Variants in SOX6 observed in about 807,000 individuals in gnomAD.
SOX6 encodes the protein transcription factor SOX-6.
In SOX6, 11 loss-of-function variants were observed where a neutral mutation model predicts 97.8. The ratio of observed to expected loss-of-function variants is 0.11; its 90% CI spans 0.07 to 0.19. The LOEUF is 0.19. Among genes scored for constraint, SOX6 ranks in the 10% least tolerant of loss-of-function variants. SOX6 has a pLI of 1.00. For synonymous variants in SOX6, 360 were observed against 371.4 expected, an observed-to-expected ratio of 0.97 and a Z score of 0.35; for missense variants, 810 against 1,039.5, an observed-to-expected ratio of 0.78 and a Z score of 3.04.
At chr11:16,210,828 G>A (rs920081227) in intron 4 of SOX6, among the ~76,000 whole-genome samples, 3 of 152,172 alleles carry the variant, frequency 2.0e-5, no homozygotes, top group Non-Finnish European at 4.4e-5. Flanking sequence ...GAGGAACTCA[G>A]ACAATAAATA....
intron 6 of SOX6, among the ~76,000 whole-genome samples, chr11:16,154,793 T>A (rs1850555659): frequency 6.6e-6 from 1 of 152,170 alleles, no homozygotes; most frequent in Non-Finnish European, 1.5e-5. Flanking sequence ...CACAGGCATC[T>A]ATCTACCTTG....
intron 12 of SOX6, among the ~76,000 whole-genome samples, chr11:16,035,973 C>T (rs986299573): frequency 1.3e-5 from 2 of 152,142 alleles, no homozygotes; most frequent in East Asian, 1.9e-4. Flanking sequence ...CTCAGTAACA[C>T]CCTGTGGCTG....
intron 3 of SOX6, among the ~76,000 whole-genome samples, chr11:16,301,892 A>G (rs775258115): frequency 3.3e-5 from 5 of 152,144 alleles, no homozygotes; most frequent in Non-Finnish European, 7.4e-5. Flanking sequence ...TTCCACCTTC[A>G]TGGAATACTC....
chr11:16,506,038 C>T (rs1053395740), intron 4 of SOX6, among the ~76,000 whole-genome samples: 7 of 152,224 alleles, frequency 4.6e-5, no homozygotes, highest in African/African-American at 1.4e-4. Context: ...GGAAGCCCCA[C>T]ACAGAGTCCC....
At chr11:16,290,969 G>A (rs1220652045) in intron 3 of SOX6, among the ~76,000 whole-genome samples, 4 of 151,936 alleles carry the variant, frequency 2.6e-5, no homozygotes, top group Non-Finnish European at 5.9e-5. Context: ...CCTGCACCTC[G>A]GGGAAGCTTG....
chr11:16,170,618 C>T (rs1056493849), intron 6 of SOX6, among the ~76,000 whole-genome samples: 7 of 151,950 alleles, frequency 4.6e-5, no homozygotes, highest in South Asian at 2.1e-4. Context: ...GTTAAGGACC[C>T]GAATGGGACG....
chr11:16,479,968 A>C (rs1049926768), upstream of SOX6, among the ~76,000 whole-genome samples: 1 of 152,254 alleles, frequency 6.6e-6, no homozygotes, highest in African/African-American at 2.4e-5. Context: ...TGATTGAATA[A>C]GTAAATTGTG....
At chr11:16,516,007 C>T (rs1016789250) in intron 4 of SOX6, among the ~76,000 whole-genome samples, 1 of 151,908 alleles carries the variant, frequency 6.6e-6, no homozygotes, top group Non-Finnish European at 1.5e-5. Context: ...GTTCTTTTGG[C>T]TTTGGATTGA....
intron 6 of SOX6, among the ~76,000 whole-genome samples, chr11:16,146,374 T>C (rs1241235506): frequency 6.6e-6 from 1 of 152,116 alleles, no homozygotes; most frequent in Non-Finnish European, 1.5e-5. Context: ...AAGACTTAAA[T>C]GTTAGACCTA....
intron 1 of SOX6, among the ~76,000 whole-genome samples, chr11:16,474,074 C>A (rs528691709): frequency 5.5e-4 from 84 of 152,284 alleles, no homozygotes; most frequent in African/African-American, 2.0e-3. Context: ...TTTGAAGAAG[C>A]AATTCCTCAT....
intron 4 of SOX6, among the ~76,000 whole-genome samples, chr11:16,578,401 C>T (rs1255673120): frequency 1.3e-5 from 2 of 152,024 alleles, no homozygotes; most frequent in Non-Finnish European, 2.9e-5. Context: ...GCAATTGAAA[C>T]TAATTTTATG....
intron 4 of SOX6, among the ~76,000 whole-genome samples, chr11:16,584,993 A>C (rs1848075988): frequency 6.6e-6 from 1 of 152,078 alleles, no homozygotes. Context: ...ATCCAAATTC[A>C]CTCTGTGCCC....
At chr11:16,531,861 A>G (rs1388825120) in intron 4 of SOX6, among the ~76,000 whole-genome samples, 3 of 151,936 alleles carry the variant, frequency 2.0e-5, no homozygotes, top group Non-Finnish European at 4.4e-5. Context: ...GTTTCGCTTA[A>G]GGACAAGAGT....
chr11:16,283,019 G>GTATATA (rs10581082), intron 3 of SOX6, among the ~76,000 whole-genome samples: 5 of 133,166 alleles, frequency 3.8e-5, no homozygotes, highest in African/African-American at 1.1e-4. Flanking sequence ...TGAGATGTGA[G>GTATATA]TATATATATA....
At chr11:16,240,164 T>G (rs1853142566) in intron 3 of SOX6, among the ~76,000 whole-genome samples, 1 of 151,958 alleles carries the variant, frequency 6.6e-6, no homozygotes. Flanking sequence ...AAAAAATAGA[T>G]TTAGTTCCTG....
At chr11:16,150,847 A>T (rs1191844761) in intron 6 of SOX6, among the ~76,000 whole-genome samples, 1 of 152,176 alleles carries the variant, frequency 6.6e-6, no homozygotes, top group Admixed American at 6.6e-5. Context: ...ACAAGAAGTC[A>T]CATTCTATAA....
chr11:16,629,896 T>C (rs542792725), intron 3 of SOX6, among the ~76,000 whole-genome samples: 2 of 152,364 alleles, frequency 1.3e-5, no homozygotes, highest in East Asian at 1.9e-4. Flanking sequence ...GAGATGTTCA[T>C]AATATTTTCT....
At chr11:16,030,774 C>T (rs932394936) in intron 12 of SOX6, among the ~76,000 whole-genome samples, 1 of 152,010 alleles carries the variant, frequency 6.6e-6, no homozygotes, top group African/African-American at 2.4e-5. Context: ...CTTTCTACAC[C>T]CTCTCCTTCT....
chr11:16,037,381 T>C (rs984569699), intron 12 of SOX6, among the ~76,000 whole-genome samples: 17 of 152,144 alleles, frequency 1.1e-4, no homozygotes, highest in Non-Finnish European at 2.2e-4. Context: ...GTCTTTCCAC[T>C]GGAAAAGCCC....
Sources: gnomAD v4.1 joint callset for allele counts (sites outside exome capture counted in the v4.1 genomes callset) on GRCh38, gnomAD v4.1.1 for gene constraint, MANE v1.5 for transcripts, NCBI Gene and HGNC (gene_info 2026-07-23, HGNC 2026-07-21) for gene names.